Variants in GALNT13 observed in about 807,000 individuals in gnomAD.
The protein encoded by GALNT13 is polypeptide N-acetylgalactosaminyltransferase 13, also known as UDP-GalNAc:polypeptide N-acetylgalactosaminyltransferase 13.
Under a neutral mutation model 64.2 loss-of-function variants are expected in GALNT13, and 28 were observed. The observed-to-expected ratio is 0.44, with a 90% CI of 0.32 to 0.60. The LOEUF (loss-of-function observed/expected upper bound fraction) is 0.60, where lower values mean the gene tolerates loss of function less well. GALNT13 is among the 20% of genes least tolerant of loss of function. GALNT13 has a pLI of 0.05. For synonymous variants in GALNT13, 214 were observed against 224.6 expected (o/e 0.95, Z 0.42); for missense variants, 577 against 669.8 (o/e 0.86, Z 1.53).
At chr2:153,639,476 T>C in the GALNT13 span, among the ~76,000 whole-genome samples, 10 of 152,164 alleles carry the variant, frequency 6.6e-5, no homozygotes, top group Non-Finnish European at 1.0e-4. Flanking sequence ...AAAGACCATG[T>C]ACATGAACAT....
chr2:153,460,863 A>T, the GALNT13 span, among the ~76,000 whole-genome samples: 1 of 152,088 alleles, frequency 6.6e-6, no homozygotes, highest in African/African-American at 2.4e-5. Flanking sequence ...CTGCTTTTAA[A>T]TTGGGGACTT....
intron 3 of GALNT13, among the ~76,000 whole-genome samples, chr2:153,958,453 A>G (rs531686655): frequency 6.6e-6 from 1 of 152,350 alleles, no homozygotes; most frequent in Admixed American, 6.5e-5. Context: ...AACCATGTTT[A>G]GGCCAAATGT....
the GALNT13 span, among the ~76,000 whole-genome samples, chr2:153,450,591 T>TA: frequency 6.6e-6 from 1 of 151,786 alleles, no homozygotes; most frequent in Non-Finnish European, 1.5e-5. Context: ...TTTTTTTTTT[T>TA]GGTCCACACT....
At chr2:153,417,982 G>T in the GALNT13 span, among the ~76,000 whole-genome samples, 5 of 152,322 alleles carry the variant, frequency 3.3e-5, no homozygotes, top group African/African-American at 1.2e-4. Context: ...AGGTTAGAAA[G>T]ATGTGGGAGA....
At chr2:154,126,642 C>CAAAAA (rs61506112) in intron 3 of GALNT13, among the ~76,000 whole-genome samples, 1 of 130,726 alleles carries the variant, frequency 7.6e-6, no homozygotes. Flanking sequence ...CTCAAAAAAA[C>CAAAAA]AAAAAAAAAA....
At chr2:153,861,555 CTTTCTTTTTTTTTTTT>C in the GALNT13 span, among the ~76,000 whole-genome samples, 4 of 111,170 alleles carry the variant, frequency 3.6e-5, no homozygotes, top group East Asian at 2.7e-4. Context: ...CTTTTTCTTT[CTTTCTTTTTTTTTTTT>C]TTTTTTTTTT....
At chr2:153,873,297 A>G (rs2105214604) in intron 1 of GALNT13, among the ~76,000 whole-genome samples, 1 of 152,232 alleles carries the variant, frequency 6.6e-6, no homozygotes, top group African/African-American at 2.4e-5. Context: ...AGGGCACCGC[A>G]GCAGGCTCCC....
chr2:153,705,681 T>A, the GALNT13 span, among the ~76,000 whole-genome samples: 1 of 152,146 alleles, frequency 6.6e-6, no homozygotes, highest in Non-Finnish European at 1.5e-5. Flanking sequence ...ACAAACACAT[T>A]TCAGGCCTTT....
At chr2:153,530,734 A>T in the GALNT13 span, among the ~76,000 whole-genome samples, 1 of 152,188 alleles carries the variant, frequency 6.6e-6, no homozygotes, top group Non-Finnish European at 1.5e-5. Flanking sequence ...AAACAAATCC[A>T]CACACCTACA....
chr2:153,872,245 C>G lies in GALNT13; in HGVS notation c.-235C>G, dbSNP rs1686000623. On this transcript the variant is annotated 5_prime_UTR_variant, in exon 1 of 13. Coordinates refer to ENST00000392825, the MANE Select transcript of GALNT13 (RefSeq NM_052917.4). ...GGCGCCTGCTGGGCTTGATCTGAGGCTGAATCCCGTGTGTGGACCGCCGTT... is the reference window on the plus strand; with the variant it reads ...GGCGCCTGCTGGGCTTGATCTGAGGGTGAATCCCGTGTGTGGACCGCCGTT... The G allele has an allele frequency of 6.6e-6, 1 of 151,834 alleles. No homozygotes were observed. The highest frequency in any genetic ancestry group is 2.4e-5 in the African/African-American group (1 of 41,374). 9.4% of individuals were successfully genotyped at this position (151,834 alleles called of 1,614,324 possible). A position where few individuals can be genotyped will look rare whatever the true frequency, so the allele number is the denominator to read the frequency against.
At chr2:153,912,179 C>T (rs1445436184) in intron 2 of GALNT13, among the ~76,000 whole-genome samples, 1 of 152,110 alleles carries the variant, frequency 6.6e-6, no homozygotes, top group Admixed American at 6.6e-5. Context: ...ATTCTTTACT[C>T]AGCTTGGTCT....
upstream of GALNT13, among the ~76,000 whole-genome samples, chr2:153,867,588 A>G (rs1375256236): frequency 6.6e-6 from 1 of 152,060 alleles, no homozygotes; most frequent in Non-Finnish European, 1.5e-5. Flanking sequence ...ATTTAAGCAC[A>G]TGACGTTTAT....
intron 4 of GALNT13, among the ~76,000 whole-genome samples, chr2:154,174,371 G>T (rs1446693441): frequency 6.6e-6 from 1 of 152,042 alleles, no homozygotes; most frequent in African/African-American, 2.4e-5. Context: ...CACACAAAAG[G>T]CAGACACTGA....
chr2:154,222,735 G>A (rs1319736878), intron 4 of GALNT13, among the ~76,000 whole-genome samples: 1 of 152,056 alleles, frequency 6.6e-6, no homozygotes, highest in African/African-American at 2.4e-5. Context: ...TGTTTGTGAT[G>A]CACTTTCCCC....
the GALNT13 span, among the ~76,000 whole-genome samples, chr2:153,815,616 G>T: frequency 6.6e-6 from 1 of 152,162 alleles, no homozygotes; most frequent in Non-Finnish European, 1.5e-5. Context: ...CATAACACGG[G>T]AGGGGAGGTG....
the GALNT13 span, among the ~76,000 whole-genome samples, chr2:153,862,790 CTG>C: frequency 1.3e-5 from 2 of 151,900 alleles, no homozygotes; most frequent in Admixed American, 1.3e-4. Context: ...AATTAATGGA[CTG>C]TTACGCATTC....
intron 10 of GALNT13, among the ~76,000 whole-genome samples, chr2:154,401,105 G>T (rs2105373237): frequency 6.6e-6 from 1 of 152,222 alleles, no homozygotes. Context: ...TAACCTCGGG[G>T]TTTCTTTTTC....
rs566558198 is a variant in GALNT13 at position 154,242,249 on chromosome 2, G to GT, written c.478+60dup. On this transcript the variant is annotated intron_variant, in intron 5 of 12. Transcript: ENST00000392825. ...TTGTTTTTTTGTTTTGTTTTGTTTT[G>GT]TTTTTTTGTATTAGAAAGCTTTATT... 7.0e-4 allele frequency: 1,060 copies of GT among 1,516,232 alleles called. 6 individuals are homozygous for GT. Among genetic ancestry groups the GT allele is most frequent in the South Asian group, 4.2e-3 (349 of 83,690 alleles). The allele number at this position is 1,516,232 out of a possible 1,614,324, so 93.9% of individuals were successfully genotyped here. A position where few individuals can be genotyped will look rare whatever the true frequency, so the allele number is the denominator to read the frequency against.
chr2:153,891,576 G>T (rs1011290558), intron 1 of GALNT13, among the ~76,000 whole-genome samples: 5 of 151,972 alleles, frequency 3.3e-5, no homozygotes, highest in African/African-American at 1.2e-4. Context: ...AATTGAAAAG[G>T]ATCTCAAGGG....
Sources: gnomAD v4.1 joint callset for allele counts (sites outside exome capture counted in the v4.1 genomes callset) on GRCh38, gnomAD v4.1.1 for gene constraint, MANE v1.5 for transcripts, NCBI Gene and HGNC (gene_info 2026-07-23, HGNC 2026-07-21) for gene names.